Variants in CFAP299 observed in about 807,000 individuals in gnomAD.
CFAP299 encodes cilia- and flagella-associated protein 299.
Under a neutral mutation model 27.0 loss-of-function variants are expected in CFAP299, and 21 were observed. That is an observed-to-expected ratio of 0.78 (90% CI 0.55 to 1.12). The LOEUF (loss-of-function observed/expected upper bound fraction) is 1.12, where lower values mean the gene tolerates loss of function less well. CFAP299 is among the 50% of genes most tolerant of loss of function. CFAP299 has a pLI of 0.00. For missense variants in CFAP299, 310 were observed against 276.6 expected (o/e 1.12, Z -0.86); for synonymous variants, 104 against 98.1 (o/e 1.06, Z -0.36).
At chr4:80,622,569 T>A (rs930579325) in intron 3 of CFAP299, among the ~76,000 whole-genome samples, 2 of 152,216 alleles carry the variant, frequency 1.3e-5, no homozygotes, top group Admixed American at 6.5e-5. Context: ...CTTTATAATT[T>A]TTTATTGTCA....
chr4:80,914,335 G>T (rs1209467392), intron 4 of CFAP299, among the ~76,000 whole-genome samples: 4 of 151,946 alleles, frequency 2.6e-5, no homozygotes, highest in African/African-American at 9.7e-5. Flanking sequence ...GTCATCTTTG[G>T]TATTATAGGT....
At chr4:80,505,351 C>G (rs1470155109) in intron 2 of CFAP299, among the ~76,000 whole-genome samples, 2 of 151,942 alleles carry the variant, frequency 1.3e-5, no homozygotes, top group Non-Finnish European at 2.9e-5. Flanking sequence ...AAGTACTGTT[C>G]TTTTTTTCCA....
the CFAP299 span, among the ~76,000 whole-genome samples, chr4:80,325,490 G>T: frequency 6.6e-6 from 1 of 152,024 alleles, no homozygotes; most frequent in East Asian, 1.9e-4. Flanking sequence ...CATCTTATCC[G>T]TTTTTGCATT....
At chr4:80,532,007 C>T (rs1733502337) in intron 2 of CFAP299, among the ~76,000 whole-genome samples, 1 of 152,116 alleles carries the variant, frequency 6.6e-6, no homozygotes. Flanking sequence ...CCGCCTGCCT[C>T]AGCCTCCAAA....
chr4:80,954,754 G>A (rs1737966187), intron 5 of CFAP299, among the ~76,000 whole-genome samples: 1 of 150,852 alleles, frequency 6.6e-6, no homozygotes, highest in South Asian at 2.1e-4. Context: ...AATCCCAGCA[G>A]TTTAGGAGGC....
At chr4:80,363,009 A>T in intron 2 of CFAP299, 125 bp downstream of exon 2, 1 of 1,095,826 alleles carries the variant, frequency 9.1e-7, no homozygotes, top group South Asian at 2.2e-5. Context: ...GAATATCCTA[A>T]GCATTTGTTC....
At chr4:80,568,830 A>G (rs919030951) in intron 2 of CFAP299, among the ~76,000 whole-genome samples, 2 of 152,164 alleles carry the variant, frequency 1.3e-5, no homozygotes, top group African/African-American at 4.8e-5. Context: ...TATCAAGGGC[A>G]CAGGGAACTG....
intron 2 of CFAP299, among the ~76,000 whole-genome samples, chr4:80,429,609 A>T (rs1487953562): frequency 1.3e-5 from 2 of 152,120 alleles, no homozygotes; most frequent in Non-Finnish European, 2.9e-5. Flanking sequence ...GAGCTTGGTT[A>T]TTATAGCATT....
At chr4:80,730,177 C>G (rs375459692) in intron 3 of CFAP299, among the ~76,000 whole-genome samples, 3 of 151,862 alleles carry the variant, frequency 2.0e-5, no homozygotes, top group African/African-American at 7.2e-5. Context: ...AGGCATTGCT[C>G]CACAGCTTCC....
At chr4:80,873,720 C>G (rs988993726) in intron 4 of CFAP299, among the ~76,000 whole-genome samples, 4 of 152,206 alleles carry the variant, frequency 2.6e-5, no homozygotes, top group African/African-American at 9.6e-5. Context: ...CCAAGGACAA[C>G]TGTACCATGT....
At chr4:80,794,573 A>G (rs1290576997) in intron 3 of CFAP299, among the ~76,000 whole-genome samples, 3 of 152,152 alleles carry the variant, frequency 2.0e-5, no homozygotes, top group Admixed American at 2.0e-4. Context: ...CTGCTTCAGG[A>G]TGATGGGGAA....
intron 3 of CFAP299, among the ~76,000 whole-genome samples, chr4:80,768,500 T>C (rs2110082338): frequency 6.6e-6 from 1 of 152,344 alleles, no homozygotes; most frequent in African/African-American, 2.4e-5. Context: ...GTTAAGTTTA[T>C]ACACAGTAGA....
upstream of CFAP299, among the ~76,000 whole-genome samples, chr4:80,333,877 G>A (rs560539236): frequency 1.1e-4 from 16 of 152,320 alleles, no homozygotes; most frequent in South Asian, 2.1e-4. Flanking sequence ...GAAGCTTGCC[G>A]AAACTTACTA....
At chr4:80,387,820 G>A in intron 2 of CFAP299, 2 of 1,541,852 alleles carry the variant, frequency 1.3e-6, no homozygotes, top group East Asian at 2.3e-5. Flanking sequence ...TGGCTTCCCT[G>A]TAGCTTCCAG....
At chr4:80,491,028 A>G (rs2110138568) in intron 2 of CFAP299, among the ~76,000 whole-genome samples, 1 of 152,206 alleles carries the variant, frequency 6.6e-6, no homozygotes, top group South Asian at 2.1e-4. Flanking sequence ...GCTTGAAAAA[A>G]AATGAACATT....
upstream of CFAP299, among the ~76,000 whole-genome samples, chr4:80,333,075 T>G (rs1472341799): frequency 6.6e-6 from 1 of 152,144 alleles, no homozygotes; most frequent in Non-Finnish European, 1.5e-5. Flanking sequence ...CATCTTATAC[T>G]TGTATTTCTC....
intron 2 of CFAP299, among the ~76,000 whole-genome samples, chr4:80,511,171 A>C (rs1223529724): frequency 6.6e-6 from 1 of 152,170 alleles, no homozygotes; most frequent in Non-Finnish European, 1.5e-5. Flanking sequence ...GATCTTGAAC[A>C]ATCTGTTTAA....
Position 80,945,546 on chromosome 4 carries a change from G to A in CFAP299, c.606+607G>A, listed in dbSNP as rs138849342. 1.5e-3 allele frequency among the ~76,000 whole-genome samples: 223 copies of A among 151,648 alleles called. 2 individuals are homozygous for A. Among genetic ancestry groups the A allele is most frequent in the African/African-American group, 1.8e-3 (73 of 41,350 alleles). On this transcript the variant is annotated intron_variant, in intron 5 of 5. Transcript: ENST00000358105. ...TTTATTATGATTTGTCCTATGTCTC[G>A]GGATGAAAGTTAAAACTTTGCTTGA...
chr4:80,733,982 A>G (rs754616322), intron 3 of CFAP299, among the ~76,000 whole-genome samples: 6 of 152,214 alleles, frequency 3.9e-5, no homozygotes, highest in Non-Finnish European at 5.9e-5. Context: ...GATATATACC[A>G]AACAGTGGGA....
Sources: allele counts gnomAD v4.1 joint callset (sites outside exome capture counted in the v4.1 genomes callset), GRCh38; gene constraint gnomAD v4.1.1; transcripts MANE v1.5; gene names NCBI Gene and HGNC (gene_info 2026-07-23, HGNC 2026-07-21).